The following EPHB2 variants were observed in gnomAD, a reference collection of about 807,000 sequenced individuals.
EPHB2 encodes ephrin type-B receptor 2.
Under a neutral mutation model 96.4 loss-of-function variants are expected in EPHB2, and 18 were observed. That is an observed-to-expected ratio of 0.19 (90% confidence interval 0.13 to 0.28). The LOEUF (loss-of-function observed/expected upper bound fraction) is 0.28. EPHB2 is among the 10% of genes least tolerant of loss of function. The probability of loss-of-function intolerance (pLI) is 1.00; values close to 1 mark genes in which losing one functional copy is unlikely to be tolerated. For synonymous variants in EPHB2, 506 were observed against 534.1 expected, an observed-to-expected ratio of 0.95 and a Z score of 0.72; for missense variants, 989 against 1,355.4, an observed-to-expected ratio of 0.73 and a Z score of 4.25.
chr1:22,804,672 T>C (rs1324044803), intron 3 of EPHB2, among the ~76,000 whole-genome samples: 1 of 151,834 alleles, frequency 6.6e-6, no homozygotes. Context: ...GCCCAGCTCT[T>C]TCCCATCCCA....
chr1:22,895,640 A>G (rs770344622), intron 8 of EPHB2, 60 bp downstream of exon 8: 31 of 1,441,160 alleles, frequency 2.2e-5, no homozygotes, highest in Non-Finnish European at 2.8e-5. Flanking sequence ...CTCTCTCTCT[A>G]TTCAGTCATC....
intron 1 of EPHB2, among the ~76,000 whole-genome samples, chr1:22,745,228 T>A (rs1643955698): frequency 6.6e-6 from 1 of 152,260 alleles, no homozygotes; most frequent in South Asian, 2.1e-4. Context: ...TGTGGGGTAT[T>A]CATTCATACG....
chr1:22,890,900 G>C (rs1341402596), intron 6 of EPHB2, among the ~76,000 whole-genome samples: 1 of 152,138 alleles, frequency 6.6e-6, no homozygotes, highest in Non-Finnish European at 1.5e-5. Flanking sequence ...GCCTCCCCAG[G>C]CATGAGGAAC....
At position 22,915,552 on chromosome 1, in the gene EPHB2, C is replaced by CT; in HGVS notation, c.*1983dup. The CT allele has an allele frequency of 6.6e-6, 1 of 152,164 alleles. No individual in the cohort carries two copies. Among genetic ancestry groups the CT allele is most frequent in the Non-Finnish European group, 1.5e-5 (1 of 68,056 alleles). The allele number at this position is 152,164 out of a possible 1,614,324, so 9.4% of individuals were successfully genotyped here. On this transcript the variant is annotated 3_prime_UTR_variant, in exon 16 of 16. Transcript: ENST00000374630. ...GAAGTGAGTTGGAAGTGGCTCAGAA[C>CT]TCAGCCTTCGATGCCCTGGGAATCA...
At chr1:22,795,125 C>T (rs890156512) in intron 3 of EPHB2, among the ~76,000 whole-genome samples, 3 of 152,152 alleles carry the variant, frequency 2.0e-5, no homozygotes, top group South Asian at 2.1e-4. Flanking sequence ...TCACTCCCCC[C>T]ACCCTAAGCC....
chr1:22,839,738 G>A (rs12062379), intron 3 of EPHB2, among the ~76,000 whole-genome samples: 2,224 of 152,256 alleles, frequency 0.015, 49 homozygotes, highest in African/African-American at 0.05. Flanking sequence ...ACATTAGAAG[G>A]CATCGTAGCA....
chr1:22,826,945 G>T (rs976013848), intron 3 of EPHB2, among the ~76,000 whole-genome samples: 3 of 152,218 alleles, frequency 2.0e-5, no homozygotes, highest in Admixed American at 2.0e-4. Flanking sequence ...CTTTCTGGAT[G>T]TCCCACAGTC....
At position 22,781,318 on chromosome 1, in the gene EPHB2, T is replaced by TAA. The variant is rs71020449; in HGVS notation, c.62-86_62-85dup. On this transcript the variant is annotated intron_variant, in intron 1 of 15. Transcript: ENST00000374630. Reference sequence around the variant, plus strand: ...CTGGGCGACAGAGCCAGACTCCGTCTAAAAAAAAAAAAAAAAAAGAAGAAG... The same window carrying TAA: ...CTGGGCGACAGAGCCAGACTCCGTCTAAAAAAAAAAAAAAAAAAAAGAAGAAG... 1,333 of 890,900 alleles carry TAA rather than the reference T, an allele frequency of 1.5e-3. 7 individuals are homozygous for TAA. Among genetic ancestry groups the TAA allele is most frequent in the African/African-American group, 0.013 (640 of 50,520 alleles). 55.2% of individuals were successfully genotyped at this position (890,900 alleles called of 1,614,324 possible).
Position 22,790,863 on chromosome 1 carries a change from C to G in EPHB2, c.811+5787C>G, listed in dbSNP as rs1644681545. 1.3e-5 allele frequency among the ~76,000 whole-genome samples: 2 copies of G among 152,214 alleles called. No homozygotes were observed. Among genetic ancestry groups the G allele is most frequent in the African/African-American group, 4.8e-5 (2 of 41,460 alleles). On this transcript the variant is annotated intron_variant, in intron 3 of 15. Coordinates refer to ENST00000374630, the MANE Select transcript of EPHB2 (RefSeq NM_017449.5). The surrounding 1 kb of genome is among the most constrained non-coding windows in gnomAD (Gnocchi z 4.0). ...ATTCGCTGGCTCCAGCTCAGACTCC[C>G]CAGTTCCCAGCTGCTGGGTTTCTCC...
chr1:22,820,754 A>C (rs1469060883), intron 3 of EPHB2, among the ~76,000 whole-genome samples: 2 of 152,222 alleles, frequency 1.3e-5, no homozygotes, highest in Non-Finnish European at 2.9e-5. Context: ...GTTTACATAA[A>C]TGTTTTATTT....
At chr1:22,899,118 GGGA>G (rs1639666228) in intron 9 of EPHB2, among the ~76,000 whole-genome samples, 1 of 151,150 alleles carries the variant, frequency 6.6e-6, no homozygotes, top group Non-Finnish European at 1.5e-5. Context: ...GCTTGAACCC[GGGA>G]GGCAGAGATT....
At chr1:22,856,387 T>C (rs1645699152) in intron 3 of EPHB2, among the ~76,000 whole-genome samples, 1 of 152,210 alleles carries the variant, frequency 6.6e-6, no homozygotes, top group African/African-American at 2.4e-5. Context: ...CTGGGTTGCC[T>C]GGCCAAGGGC....
Position 22,906,004 on chromosome 1 carries a change from A to G in EPHB2, c.1783A>G (p.Ile595Val), listed in dbSNP as rs1384633685. 6 of 1,614,076 alleles carry G rather than the reference A, an allele frequency of 3.7e-6. No individual in the cohort carries two copies. The Admixed American group carries it at 1.0e-4, about 27-fold the overall frequency. ...TCCCCCAGTGACCCCAGGCATGAAG[A>G]TCTACATCGATCCTTTCACCTACGA... ...TSGHMTPGMKIYIDPFTYEDP... is the reference protein window; with the variant it reads ...TSGHMTPGMKVYIDPFTYEDP... The change falls in exon 10 of 16, where the codon ATC becomes GTC. Residue 595 changes from isoleucine to valine, a missense_variant. Physicochemically the swap from Ile to Val is conservative, Grantham distance 29. Coordinates refer to ENST00000374630, the MANE Select transcript of EPHB2 (RefSeq NM_017449.5). The surrounding 1 kb of genome is among the most constrained non-coding windows in gnomAD (Gnocchi z 4.8).
rs527896443 is a variant in EPHB2 at position 22,846,352 on chromosome 1, G to A, written c.812-16685G>A. On this transcript the variant is annotated intron_variant, in intron 3 of 15. Coordinates refer to ENST00000374630, the MANE Select transcript of EPHB2 (RefSeq NM_017449.5). This position sits in a 1 kb window ranked among gnomAD's most constrained non-coding sequence, Gnocchi z 4.3. ...AATCACTTGAACCCGGGAGGTGGAG[G>A]TTGCAGTGAGCCGAGATTGTGCCAC... is the stretch of plus-strand genomic sequence containing the variant. Among the ~76,000 whole-genome samples, 5 of 151,404 alleles carry A rather than the reference G, an allele frequency of 3.3e-5. No individual in the cohort carries two copies. The highest frequency in any genetic ancestry group is 1.2e-4 in the African/African-American group (5 of 41,132).
At chr1:22,770,705 G>A (rs963625843) in intron 1 of EPHB2, among the ~76,000 whole-genome samples, 12 of 152,294 alleles carry the variant, frequency 7.9e-5, no homozygotes, top group Middle Eastern at 3.4e-3. Context: ...TGTGATGTTG[G>A]GCAGGTTACT....
chr1:22,805,238 T>C (rs2148453741), intron 3 of EPHB2, among the ~76,000 whole-genome samples: 1 of 152,126 alleles, frequency 6.6e-6, no homozygotes, highest in Middle Eastern at 3.4e-3. Context: ...CTTCAGAAAA[T>C]GGATTCTAAA....
chr1:22,910,261 T>C (rs1640050582), intron 13 of EPHB2, 121 bp from the exon 14 acceptor site: 3 of 1,281,170 alleles, frequency 2.3e-6, no homozygotes, highest in Non-Finnish European at 1.1e-6. Context: ...GAGGTGAAAG[T>C]GGTTGCCACA....
At chr1:22,833,505 T>C (rs971178536) in intron 3 of EPHB2, among the ~76,000 whole-genome samples, 2 of 152,150 alleles carry the variant, frequency 1.3e-5, no homozygotes, top group African/African-American at 4.8e-5. Flanking sequence ...AATTACAACA[T>C]ACTAAAATTG....
At chr1:22,820,490 A>G (rs1645137689) in intron 3 of EPHB2, among the ~76,000 whole-genome samples, 1 of 152,058 alleles carries the variant, frequency 6.6e-6, no homozygotes, top group African/African-American at 2.4e-5. Context: ...GTGAGACCCC[A>G]TCTCTACACA....
Sources: allele counts gnomAD v4.1 joint callset (sites outside exome capture counted in the v4.1 genomes callset), GRCh38; gene constraint gnomAD v4.1.1; non-coding constraint Gnocchi (gnomAD v3.1); transcripts MANE v1.5; gene names NCBI Gene and HGNC (gene_info 2026-07-23, HGNC 2026-07-21).